MSR1: variants seen among roughly 807,000 people sequenced by gnomAD.
MSR1 encodes the protein macrophage scavenger receptor 1.
A neutral mutation model predicts 47.2 loss-of-function variants in MSR1; 53 were observed. The observed-to-expected ratio is 1.12, with a 90% CI of 0.90 to 1.41. The LOEUF (loss-of-function observed/expected upper bound fraction) is 1.41. Ranked by LOEUF, MSR1 falls within the 40% of genes most tolerant of loss-of-function variation. The probability of loss-of-function intolerance (pLI) is 0.00; values close to 1 mark genes in which losing one functional copy is unlikely to be tolerated. For missense variants in MSR1, 786 were observed against 546.9 expected (o/e 1.44, Z -4.36); for synonymous variants, 239 against 185.6 (o/e 1.29, Z -2.34).
At chr8:16,140,266 G>T in intron 8 of MSR1, 1 of 983,550 alleles carries the variant, frequency 1.0e-6, no homozygotes, top group South Asian at 4.7e-5. Flanking sequence ...ATAGAACAAG[G>T]CTCTGTCTCT....
chr8:16,168,164 A>G (rs1239765317), intron 4 of MSR1, among the ~76,000 whole-genome samples: 1 of 152,230 alleles, frequency 6.6e-6, no homozygotes, highest in African/African-American at 2.4e-5. Flanking sequence ...TAACCTAAAA[A>G]TTATGATTGG....
intron 6 of MSR1, among the ~76,000 whole-genome samples, chr8:16,151,867 G>A (rs1237597895): frequency 6.6e-6 from 1 of 152,118 alleles, no homozygotes; most frequent in African/African-American, 2.4e-5. Context: ...GCCCATTGGG[G>A]TTCAAATACC....
chr8:16,143,291 C>A (rs923772869), intron 8 of MSR1, among the ~76,000 whole-genome samples: 1 of 152,008 alleles, frequency 6.6e-6, no homozygotes, highest in Non-Finnish European at 1.5e-5. Context: ...GAAAATTGAA[C>A]AATTTTCTTT....
chr8:16,131,441 GTTTTTTT>G (rs56321577), intron 8 of MSR1, among the ~76,000 whole-genome samples: 14 of 54,688 alleles, frequency 2.6e-4, no homozygotes, highest in African/African-American at 1.1e-3. Flanking sequence ...TCTGTTGATA[GTTTTTTT>G]TTTTTTTTTT....
chr8:16,120,740 G>T lies in MSR1; in HGVS notation c.1034-134C>A, dbSNP rs77878262. The T allele has an allele frequency of 4.0e-3, 4,433 of 1,101,078 alleles. 136 individuals are homozygous for T. In the African/African-American group the frequency reaches 0.06, roughly 15 times the overall value. 68.2% of individuals were successfully genotyped at this position (1,101,078 alleles called of 1,614,324 possible). On this transcript the variant is annotated intron_variant, in intron 8 of 9. Coordinates refer to ENST00000262101, the MANE Select transcript of MSR1 (RefSeq NM_138715.3). ...ATTTTCCAAATAACTTCAACTATTG[G>T]AATAAATATTAAACTTTCTAGCACC...
chr8:16,142,214 G>T (rs985886984), intron 8 of MSR1, among the ~76,000 whole-genome samples: 2 of 152,128 alleles, frequency 1.3e-5, no homozygotes, highest in African/African-American at 4.8e-5. Flanking sequence ...TGTAATCCCA[G>T]CTACTCAGGA....
intron 9 of MSR1, among the ~76,000 whole-genome samples, chr8:16,119,629 T>G (rs1799950812): frequency 6.6e-6 from 1 of 152,188 alleles, no homozygotes; most frequent in Non-Finnish European, 1.5e-5. Flanking sequence ...TAGTCATTAC[T>G]CAATAAATCA....
At chr8:16,180,531 T>C (rs1018987497) in intron 1 of MSR1, among the ~76,000 whole-genome samples, 8 of 152,298 alleles carry the variant, frequency 5.3e-5, no homozygotes, top group African/African-American at 1.9e-4. Flanking sequence ...TTCATGTGAT[T>C]GACAAATTTA....
chr8:16,144,776 A>G (rs1800654566), intron 7 of MSR1, among the ~76,000 whole-genome samples: 1 of 152,052 alleles, frequency 6.6e-6, no homozygotes, highest in Non-Finnish European at 1.5e-5. Context: ...CCTATTCTTC[A>G]CCTCCTAAAG....
chr8:16,169,220 T>G (rs930048567), intron 3 of MSR1, among the ~76,000 whole-genome samples: 2 of 152,218 alleles, frequency 1.3e-5, no homozygotes, highest in Admixed American at 1.3e-4. Context: ...GAACTGCTGT[T>G]AGAATAAAGT....
intron 3 of MSR1, among the ~76,000 whole-genome samples, chr8:16,174,515 T>A (rs1017234272): frequency 5.9e-5 from 9 of 152,152 alleles, no homozygotes; most frequent in African/African-American, 2.2e-4. Context: ...CCGGTTCAAG[T>A]CAGACCCTCC....
chr8:16,114,845 T>C (rs994901229), intron 9 of MSR1, among the ~76,000 whole-genome samples: 134 of 152,284 alleles, frequency 8.8e-4, no homozygotes, highest in African/African-American at 3.0e-3. Context: ...AAAATTATAT[T>C]CTTTCTATAA....
intron 2 of MSR1, among the ~76,000 whole-genome samples, 157 bp from the exon 3 acceptor site, chr8:16,175,457 C>T (rs900639895): frequency 6.6e-6 from 1 of 152,128 alleles, no homozygotes; most frequent in African/African-American, 2.4e-5. Context: ...AGCAAAAGGA[C>T]AGTCACAGGA....
intron 4 of MSR1, among the ~76,000 whole-genome samples, chr8:16,165,638 G>C (rs948337827): frequency 2.0e-5 from 3 of 152,066 alleles, no homozygotes; most frequent in African/African-American, 7.2e-5. Context: ...GGGGAAATAA[G>C]CCAGTGGTAT....
rs184272058 is a variant in MSR1 at position 16,133,057 on chromosome 8, G to A, written c.1033+10501C>T. ...TAGTTTTTGTTGTTAGTTTTATGAG[G>A]TGAATCACATTTATTGATTTGCAAA... On this transcript the variant is annotated intron_variant, in intron 8 of 9. Coordinates refer to ENST00000262101, the MANE Select transcript of MSR1 (RefSeq NM_138715.3). Among the ~76,000 whole-genome samples the A allele has an allele frequency of 7.9e-5, 12 of 152,116 alleles. No homozygotes were observed. In the East Asian group the frequency reaches 1.5e-3, roughly 20 times the overall value.
At chr8:16,140,753 T>G in intron 8 of MSR1, 1 of 1,416,282 alleles carries the variant, frequency 7.1e-7, no homozygotes, top group Non-Finnish European at 9.2e-7. Context: ...AGGCTGGGGG[T>G]GATAGGGGAG....
At chr8:16,167,870 C>A (rs968473799) in intron 4 of MSR1, among the ~76,000 whole-genome samples, 1 of 152,074 alleles carries the variant, frequency 6.6e-6, no homozygotes, top group Non-Finnish European at 1.5e-5. Flanking sequence ...ATCCCAATAC[C>A]CTTTGATATG....
In MSR1 at chr8:16,110,109, A is replaced by C. The variant is rs983679557; in HGVS notation, c.1332T>G (p.Asp444Glu). The change falls in exon 10 of 10, where the codon GAT (aspartate) becomes GAG (glutamate). Residue 444 changes from aspartate (D) to glutamate (E), a missense_variant. Coordinates refer to ENST00000262101, the MANE Select transcript of MSR1 (RefSeq NM_138715.3). ...WGTRACSHSE[D>E]AGVTCTL ...ATTATAAAGTGCAAGTGACTCCAGC[A>C]TCTTCAGAATGTGAACAGGCTCTTG... The C allele has an allele frequency of 6.2e-7, 1 of 1,613,600 alleles. No homozygotes were observed. Among genetic ancestry groups the C allele is most frequent in the African/African-American group, 1.3e-5 (1 of 74,908 alleles).
At position 16,140,346 on chromosome 8, in the gene MSR1, G is replaced by T. The variant is rs928557201; in HGVS notation, c.1033+3212C>A. 3.0e-6 allele frequency: 3 copies of T among 984,614 alleles called. No individual in the cohort carries two copies. The East Asian group carries it at 3.4e-4, about 112-fold the overall frequency. The allele number at this position is 984,614 out of a possible 1,614,324, so 61.0% of individuals were successfully genotyped here. On this transcript the variant is annotated intron_variant, in intron 8 of 9. Transcript: ENST00000262101. The stretch of plus-strand genomic sequence containing the variant: ...ACTTTGATCAAAAATGCTTTGGAAA[G>T]AGACCAGTATTCATTGAAGATTGAG...
Sources: gnomAD v4.1 joint callset for allele counts (sites outside exome capture counted in the v4.1 genomes callset) on GRCh38, gnomAD v4.1.1 for gene constraint, MANE v1.5 for transcripts, NCBI Gene and HGNC (gene_info 2026-07-23, HGNC 2026-07-21) for gene names.